SPATA16: variants seen among roughly 807,000 people sequenced by gnomAD.
The protein encoded by SPATA16 is spermatogenesis associated 16.
Under a neutral mutation model 63.3 loss-of-function variants are expected in SPATA16, and 36 were observed. The observed-to-expected ratio is 0.57, with a 90% confidence interval of 0.44 to 0.75. The LOEUF (loss-of-function observed/expected upper bound fraction) is 0.75. Among genes scored for constraint, SPATA16 ranks in the 30% least tolerant of loss-of-function variants. The pLI is 0.00. For synonymous variants in SPATA16, 203 were observed against 216.7 expected (o/e 0.94, Z 0.56); for missense variants, 646 against 679.3 (o/e 0.95, Z 0.54).
intron 2 of SPATA16, among the ~76,000 whole-genome samples, chr3:173,111,194 AT>A (rs1244801681): frequency 6.6e-6 from 1 of 152,154 alleles, no homozygotes; most frequent in Non-Finnish European, 1.5e-5. Context: ...AGAGAGGGTT[AT>A]TGCAATGATT....
chr3:173,056,697 T>A (rs994377671), intron 2 of SPATA16, among the ~76,000 whole-genome samples: 2 of 129,466 alleles, frequency 1.5e-5, no homozygotes, highest in African/African-American at 5.9e-5. Context: ...AGAGTGAGAC[T>A]CTTGTTTCAA....
chr3:172,909,363 A>C (rs1243007028), intron 10 of SPATA16, among the ~76,000 whole-genome samples: 2 of 152,148 alleles, frequency 1.3e-5, no homozygotes, highest in Non-Finnish European at 1.5e-5. Flanking sequence ...TGCTTTGATG[A>C]GTGGAATGTG....
intron 6 of SPATA16, among the ~76,000 whole-genome samples, chr3:172,927,032 A>G (rs74411551): frequency 1.3e-5 from 2 of 152,192 alleles, no homozygotes; most frequent in Admixed American, 1.3e-4. Flanking sequence ...TGTCTGTAAT[A>G]CTTCTTTTAA....
Position 172,904,993 on chromosome 3 carries a change from T to G in SPATA16, c.1587+8668A>C, listed in dbSNP as rs372409986. Among the ~76,000 whole-genome samples the G allele has an allele frequency of 5.3e-5, 8 of 152,214 alleles. No individual in the cohort carries two copies. The East Asian group carries it at 1.5e-3, about 29-fold the overall frequency. On this transcript the variant is annotated intron_variant, in intron 10 of 10. Coordinates refer to ENST00000351008, the MANE Select transcript of SPATA16 (RefSeq NM_031955.6). ...CATTAGTCCCAGGAACCTGGCCTCTTTCAGCCCCTTGGGTCTTGTCTCCCT... is the reference window on the plus strand; with the variant it reads ...CATTAGTCCCAGGAACCTGGCCTCTGTCAGCCCCTTGGGTCTTGTCTCCCT...
intron 10 of SPATA16, among the ~76,000 whole-genome samples, chr3:172,911,419 A>G (rs1021969465): frequency 7.3e-5 from 11 of 151,722 alleles, no homozygotes; most frequent in African/African-American, 2.7e-4. Flanking sequence ...GGCCATTCCA[A>G]CTTCTCTTTG....
chr3:173,011,044 CA>C (rs35929349), intron 4 of SPATA16, among the ~76,000 whole-genome samples: 16,201 of 151,574 alleles, frequency 0.11, 1,051 homozygotes, highest in East Asian at 0.14. Flanking sequence ...AAAACTATTC[CA>C]AAAAAAATCA....
intron 1 of SPATA16, among the ~76,000 whole-genome samples, chr3:173,123,487 T>G (rs1377688745): frequency 6.6e-6 from 1 of 152,194 alleles, no homozygotes; most frequent in East Asian, 1.9e-4. Flanking sequence ...ACAAGATATT[T>G]GACTTTACTG....
At chr3:173,092,643 C>T (rs565114184) in intron 2 of SPATA16, among the ~76,000 whole-genome samples, 1 of 152,188 alleles carries the variant, frequency 6.6e-6, no homozygotes, top group East Asian at 1.9e-4. Flanking sequence ...CAGATTCTCC[C>T]CTAGAGTCTA....
intron 2 of SPATA16, among the ~76,000 whole-genome samples, chr3:173,083,049 A>G (rs1190538427): frequency 2.6e-5 from 4 of 152,136 alleles, no homozygotes; most frequent in Admixed American, 1.3e-4. Context: ...TTTAAAGTAC[A>G]TATGCAACAT....
chr3:173,139,521 A>C (rs1560136929), intron 1 of SPATA16, among the ~76,000 whole-genome samples: 1 of 152,138 alleles, frequency 6.6e-6, no homozygotes, highest in Non-Finnish European at 1.5e-5. Flanking sequence ...GGATTTAAAA[A>C]CCCTTGAGCA....
chr3:172,906,890 C>T (rs1437330271), intron 10 of SPATA16, among the ~76,000 whole-genome samples: 4 of 151,978 alleles, frequency 2.6e-5, no homozygotes, highest in Non-Finnish European at 5.9e-5. Flanking sequence ...TACAGGTGCC[C>T]GCTACCACGC....
rs13064708 is a variant in SPATA16, at chr3:172,956,803, T to C, written c.955A>G (p.Thr319Ala). The C allele has an allele frequency of 1.2e-6, 2 of 1,613,418 alleles. No individual in the cohort carries two copies. The highest frequency in any genetic ancestry group is 2.7e-5 in the African/African-American group (2 of 75,008). The change falls in exon 6 of 11, where the codon ACC (threonine) becomes GCC (alanine). Residue 319 changes from threonine to alanine, a missense_variant. Thr to Ala is a moderately conservative substitution (Grantham distance 58). Coordinates refer to ENST00000351008, the MANE Select transcript of SPATA16 (RefSeq NM_031955.6). ...YWQAMIEEAI[T>A]RAESFSVMYT... ...ATAACCGAGAAAGATTCAGCTCTGG[T>C]GATGGCTTCCTCAATCATGGCCTAA...
chr3:173,045,882 G>A (rs116496239), intron 3 of SPATA16, among the ~76,000 whole-genome samples: 4,229 of 152,004 alleles, frequency 0.028, 205 homozygotes, highest in African/African-American at 0.097. Context: ...TAAAATGAAT[G>A]AATGAATGTA....
intron 6 of SPATA16, among the ~76,000 whole-genome samples, chr3:172,927,577 G>A (rs1290718800): frequency 1.3e-5 from 2 of 152,080 alleles, no homozygotes; most frequent in African/African-American, 4.8e-5. Context: ...CATGGAGTGG[G>A]AAGCAGGGCA....
At chr3:172,970,594 A>C (rs961224946) in intron 5 of SPATA16, among the ~76,000 whole-genome samples, 1 of 152,222 alleles carries the variant, frequency 6.6e-6, no homozygotes, top group Non-Finnish European at 1.5e-5. Flanking sequence ...AATTACATCT[A>C]ATCTAAATAC....
chr3:173,113,766 C>T (rs923340223), intron 2 of SPATA16, among the ~76,000 whole-genome samples: 4 of 152,126 alleles, frequency 2.6e-5, no homozygotes, highest in Admixed American at 1.3e-4. Context: ...TATTTAAATG[C>T]CTCCAGGGCC....
intron 10 of SPATA16, among the ~76,000 whole-genome samples, chr3:172,896,522 T>G (rs1732013172): frequency 6.6e-6 from 1 of 152,226 alleles, no homozygotes. Context: ...TGCCCGAAAC[T>G]GCCGTATTAT....
At chr3:172,955,633 T>G (rs1412091744) in intron 6 of SPATA16, among the ~76,000 whole-genome samples, 4 of 152,154 alleles carry the variant, frequency 2.6e-5, no homozygotes, top group African/African-American at 9.7e-5. Flanking sequence ...TATCTTTCCC[T>G]TGAAGAGCGT....
chr3:172,914,687 G>A (rs1311787005), intron 9 of SPATA16, among the ~76,000 whole-genome samples: 1 of 151,998 alleles, frequency 6.6e-6, no homozygotes, highest in Non-Finnish European at 1.5e-5. Context: ...GATATATAAT[G>A]TTTAAATGCT....
Sources: gnomAD v4.1 joint callset for allele counts (sites outside exome capture counted in the v4.1 genomes callset) on GRCh38, gnomAD v4.1.1 for gene constraint, MANE v1.5 for transcripts, NCBI Gene and HGNC (gene_info 2026-07-23, HGNC 2026-07-21) for gene names.